Variants in ARHGEF10L observed in about 807,000 individuals in gnomAD.
ARHGEF10L encodes rho guanine nucleotide exchange factor 10-like protein.
ARHGEF10L carries 69 observed loss-of-function variants against 141.2 expected under a neutral mutation model. The ratio of observed to expected loss-of-function variants is 0.49; its 90% CI spans 0.40 to 0.60. The LOEUF (loss-of-function observed/expected upper bound fraction) is 0.60, where lower values mean the gene tolerates loss of function less well. ARHGEF10L is among the 20% of genes least tolerant of loss of function. The pLI, the probability that ARHGEF10L is intolerant of heterozygous loss-of-function variation, is 0.00. For missense variants in ARHGEF10L, 1,482 were observed against 1,734.3 expected (o/e 0.85, Z 2.58); for synonymous variants, 711 against 718.5 (o/e 0.99, Z 0.17).
intron 1 of ARHGEF10L, among the ~76,000 whole-genome samples, chr1:17,546,261 A>T (rs2076911754): frequency 6.6e-6 from 1 of 152,116 alleles, no homozygotes; most frequent in African/African-American, 2.4e-5. Flanking sequence ...TGTTAATATC[A>T]AGCACAAAAC....
intron 15 of ARHGEF10L, among the ~76,000 whole-genome samples, chr1:17,631,520 A>T (rs938446233): frequency 6.6e-6 from 1 of 152,200 alleles, no homozygotes; most frequent in Non-Finnish European, 1.5e-5. Context: ...GGGGTGCAGG[A>T]TGGGGTCCCC....
At chr1:17,626,321 C>G (rs2060384040) in intron 14 of ARHGEF10L, among the ~76,000 whole-genome samples, 1 of 152,140 alleles carries the variant, frequency 6.6e-6, no homozygotes, top group Admixed American at 6.5e-5. Flanking sequence ...CACAGGGAAT[C>G]CCGGGACCCG....
chr1:17,665,391 G>C (rs1234045885), intron 26 of ARHGEF10L, among the ~76,000 whole-genome samples: 1 of 152,170 alleles, frequency 6.6e-6, no homozygotes, highest in Admixed American at 6.5e-5. Flanking sequence ...GAGCACAGAT[G>C]ATCAGGGCTG....
intron 20 of ARHGEF10L, 56 bp from the exon 21 acceptor site, chr1:17,640,146 G>A (rs534498693): frequency 6.4e-7 from 1 of 1,567,650 alleles, no homozygotes; most frequent in Admixed American, 1.8e-5. Context: ...GACAGCTGGG[G>A]GAGCCTGGCC....
chr1:17,689,080 T>C (rs1274025699), intron 27 of ARHGEF10L, among the ~76,000 whole-genome samples: 1 of 152,040 alleles, frequency 6.6e-6, no homozygotes, highest in Non-Finnish European at 1.5e-5. Flanking sequence ...GACACTGAGA[T>C]TGGTTCAGCA....
chr1:17,634,496 A>T, intron 16 of ARHGEF10L, 52 bp from the exon 17 acceptor site: 1 of 1,614,112 alleles, frequency 6.2e-7, no homozygotes. Flanking sequence ...CCCCCAGATT[A>T]GCCACTCCAT....
intron 15 of ARHGEF10L, among the ~76,000 whole-genome samples, chr1:17,629,124 GA>G (rs1401483468): frequency 6.6e-6 from 1 of 152,126 alleles, no homozygotes; most frequent in Non-Finnish European, 1.5e-5. Flanking sequence ...GGGCTCAAGT[GA>G]GCCTCCTGCC....
intron 1 of ARHGEF10L, among the ~76,000 whole-genome samples, chr1:17,557,916 C>T (rs2077399028): frequency 6.6e-6 from 1 of 152,182 alleles, no homozygotes; most frequent in Admixed American, 6.5e-5. Flanking sequence ...GGTTGCTGAG[C>T]TCCAGTAAAT....
intron 27 of ARHGEF10L, chr1:17,691,177 C>G: frequency 2.2e-6 from 1 of 454,266 alleles, no homozygotes; most frequent in Middle Eastern, 3.3e-4. Context: ...TGTATATCTC[C>G]AGATAGATGG....
At chr1:17,519,103 A>G in the ARHGEF10L span, among the ~76,000 whole-genome samples, 10 of 151,850 alleles carry the variant, frequency 6.6e-5, no homozygotes, top group Non-Finnish European at 1.0e-4. Flanking sequence ...TGAACCTGGG[A>G]GGCGGAGGTT....
Position 17,606,110 on chromosome 1 carries a change from C to T in ARHGEF10L, c.434-1692C>T, listed in dbSNP as rs542888265. On this transcript the variant is annotated intron_variant, in intron 6 of 28. Coordinates refer to ENST00000361221, the MANE Select transcript of ARHGEF10L (RefSeq NM_018125.4). ...GCTCCCCCAGAGCCACCATGAGTGA[C>T]GGCCTACTGCTCTCAGCCGAGTGCG... Among the ~76,000 whole-genome samples the T allele has an allele frequency of 7.2e-5, 11 of 152,190 alleles. No individual in the cohort carries two copies. In the East Asian group the frequency reaches 1.2e-3, roughly 16 times the overall value.
At chr1:17,584,071 G>C (rs938552614) in intron 2 of ARHGEF10L, among the ~76,000 whole-genome samples, 2 of 151,854 alleles carry the variant, frequency 1.3e-5, no homozygotes, top group Non-Finnish European at 2.9e-5. Flanking sequence ...TTGAGACAGA[G>C]TCTCGCTTTG....
At chr1:17,536,281 A>T (rs112502666), upstream of ARHGEF10L, among the ~76,000 whole-genome samples, 5,373 of 152,230 alleles carry the variant, frequency 0.035, 325 homozygotes, top group African/African-American at 0.12. Context: ...GGAGTTCAAG[A>T]CCAGCCTGGG....
intron 11 of ARHGEF10L, 71 bp from the exon 12 acceptor site, chr1:17,622,925 G>T: frequency 6.6e-7 from 1 of 1,515,472 alleles, no homozygotes; most frequent in Non-Finnish European, 8.9e-7. Flanking sequence ...GGCTGGCCGA[G>T]TTCTGCATGA....
rs1391642952 is a variant in ARHGEF10L, at chr1:17,619,197, C to G, written c.836-142C>G. ...CCTGAGAAGGAGCTACCGGGCGGCTCTAACCCCACGGGGCCCCAGGAGCTG... is the reference window on the plus strand; with the variant it reads ...CCTGAGAAGGAGCTACCGGGCGGCTGTAACCCCACGGGGCCCCAGGAGCTG... On this transcript the variant is annotated intron_variant, in intron 9 of 28. Coordinates refer to ENST00000361221, the MANE Select transcript of ARHGEF10L (RefSeq NM_018125.4). The surrounding 1 kb of genome is among the most constrained non-coding windows in gnomAD (Gnocchi z 5.0). The G allele has an allele frequency of 9.9e-6, 7 of 709,350 alleles. No individual in the cohort carries two copies. The South Asian group carries it at 1.0e-4, about 11-fold the overall frequency. The allele number at this position is 709,350 out of a possible 1,614,324, so 43.9% of individuals were successfully genotyped here.
the ARHGEF10L span, among the ~76,000 whole-genome samples, chr1:17,525,762 G>C: frequency 2.9e-3 from 446 of 152,080 alleles, 3 homozygotes; most frequent in Non-Finnish European, 4.9e-3. Context: ...CAGCACTTTG[G>C]GGGGCTGAGA....
chr1:17,519,506 A>G, the ARHGEF10L span, among the ~76,000 whole-genome samples: 1 of 152,068 alleles, frequency 6.6e-6, no homozygotes, highest in Non-Finnish European at 1.5e-5. Flanking sequence ...GCTACTTGGG[A>G]GGCTGAGGTG....
intron 27 of ARHGEF10L, 71 bp from the exon 28 acceptor site, chr1:17,695,085 ATC>A: frequency 6.2e-7 from 1 of 1,602,434 alleles, no homozygotes; most frequent in Admixed American, 1.7e-5. Context: ...CCAGGCCCTC[ATC>A]TCGTGGTGGT....
intron 1 of ARHGEF10L, among the ~76,000 whole-genome samples, chr1:17,577,770 C>T (rs908034169): frequency 6.6e-6 from 1 of 152,234 alleles, no homozygotes; most frequent in Non-Finnish European, 1.5e-5. Context: ...AGTGTGGTCA[C>T]CTTGTCCTCT....
Sources: allele counts gnomAD v4.1 joint callset (sites outside exome capture counted in the v4.1 genomes callset), GRCh38; gene constraint gnomAD v4.1.1; non-coding constraint Gnocchi (gnomAD v3.1); transcripts MANE v1.5; gene names NCBI Gene and HGNC (gene_info 2026-07-23, HGNC 2026-07-21).